KHDRBS2: variants seen among roughly 807,000 people sequenced by gnomAD.
The protein encoded by KHDRBS2 is KH RNA binding domain containing, signal transduction associated 2.
A neutral mutation model predicts 44.3 loss-of-function variants in KHDRBS2; 26 were observed. The observed-to-expected ratio is 0.59, with a 90% CI of 0.43 to 0.81. KHDRBS2 has a LOEUF of 0.81. Ranked by LOEUF, KHDRBS2 falls within the 40% of genes least tolerant of loss-of-function variation. KHDRBS2 has a pLI of 0.00. For synonymous variants in KHDRBS2, 194 were observed against 151.1 expected (o/e 1.28, Z -2.08); for missense variants, 476 against 433.1 (o/e 1.10, Z -0.88).
chr6:62,114,564 T>C (rs1036331582), intron 2 of KHDRBS2, among the ~76,000 whole-genome samples: 2 of 152,096 alleles, frequency 1.3e-5, no homozygotes, highest in Non-Finnish European at 2.9e-5. Context: ...ATATTCATCA[T>C]CCAATTATAT....
intron 6 of KHDRBS2, among the ~76,000 whole-genome samples, chr6:61,776,667 G>T (rs1179976361): frequency 2.6e-5 from 4 of 152,172 alleles, no homozygotes; most frequent in Non-Finnish European, 5.9e-5. Context: ...TGAAGAAATA[G>T]GAACACTTTT....
rs140716555 is a variant in KHDRBS2, at chr6:61,828,762, C to G, written c.810+65873G>C. Among the ~76,000 whole-genome samples, 646 of 152,272 alleles carry G rather than the reference C, an allele frequency of 4.2e-3. 9 individuals carry two copies. The highest frequency in any genetic ancestry group is 0.015 in the African/African-American group (620 of 41,558). On this transcript the variant is annotated intron_variant, in intron 6 of 8. Coordinates refer to ENST00000281156, the MANE Select transcript of KHDRBS2 (RefSeq NM_152688.4). ...CATTTGTCACAAGATTTTACACTGA[C>G]CATCATAAGACCTTTGATGGCAGAT... is the stretch of plus-strand genomic sequence containing the variant.
chr6:61,826,419 C>G (rs147127704), intron 6 of KHDRBS2, among the ~76,000 whole-genome samples: 1 of 152,196 alleles, frequency 6.6e-6, no homozygotes, highest in Non-Finnish European at 1.5e-5. Flanking sequence ...GACAGTGGCT[C>G]CTGTCTGATA....
At chr6:62,013,571 TTTTA>T (rs1780687521) in intron 3 of KHDRBS2, among the ~76,000 whole-genome samples, 1 of 152,128 alleles carries the variant, frequency 6.6e-6, no homozygotes, top group African/African-American at 2.4e-5. Flanking sequence ...GCAAAATCAA[TTTTA>T]TTTAAATTAC....
At chr6:62,077,458 A>G (rs1796569611) in intron 2 of KHDRBS2, among the ~76,000 whole-genome samples, 1 of 152,070 alleles carries the variant, frequency 6.6e-6, no homozygotes, top group Admixed American at 6.6e-5. Context: ...GTACGTCTGC[A>G]TTCCTAGTTC....
At chr6:62,109,313 A>G (rs1804438833) in intron 2 of KHDRBS2, among the ~76,000 whole-genome samples, 1 of 152,082 alleles carries the variant, frequency 6.6e-6, no homozygotes. Context: ...TTTTAAAAAA[A>G]GTACTTTCCA....
rs201486071 is a variant in KHDRBS2 at position 61,849,632 on chromosome 6, GTT to G, written c.810+45001_810+45002del. Among the ~76,000 whole-genome samples the G allele has an allele frequency of 3.1e-4, 45 of 144,404 alleles. No individual in the cohort carries two copies. In the Middle Eastern group the frequency reaches 0.019, roughly 60 times the overall value. 94.7% of individuals were successfully genotyped at this position (144,404 alleles called of 152,430 possible). On this transcript the variant is annotated intron_variant, in intron 6 of 8. Coordinates refer to ENST00000281156, the MANE Select transcript of KHDRBS2 (RefSeq NM_152688.4). Reference sequence around the variant, plus strand: ...AAGTAATGTACTTCAGAGAAACAAAGTTTTTTTTTTTTTTCCTAAACTAAATC... The same window carrying G: ...AAGTAATGTACTTCAGAGAAACAAAGTTTTTTTTTTTTCCTAAACTAAATC...
At chr6:62,011,192 A>G (rs1780221676) in intron 3 of KHDRBS2, among the ~76,000 whole-genome samples, 1 of 152,186 alleles carries the variant, frequency 6.6e-6, no homozygotes, top group Admixed American at 6.5e-5. Flanking sequence ...AGAATTACAC[A>G]TGCTAAAACT....
chr6:62,065,306 T>A (rs1472175322), intron 2 of KHDRBS2, among the ~76,000 whole-genome samples: 5 of 152,014 alleles, frequency 3.3e-5, no homozygotes. Flanking sequence ...TGACTATAAA[T>A]CATGCTGCTA....
intron 4 of KHDRBS2, among the ~76,000 whole-genome samples, chr6:61,921,471 T>G (rs1001197818): frequency 6.6e-6 from 1 of 152,040 alleles, no homozygotes; most frequent in Non-Finnish European, 1.5e-5. Context: ...TTGGCAACTT[T>G]CCTGGAATTT....
At chr6:61,573,955 C>T in the KHDRBS2 span, among the ~76,000 whole-genome samples, 1 of 152,002 alleles carries the variant, frequency 6.6e-6, no homozygotes, top group Non-Finnish European at 1.5e-5. Flanking sequence ...ACCAATGGAA[C>T]ACAATAGAGA....
At chr6:62,190,175 T>C (rs1454402780) in intron 1 of KHDRBS2, among the ~76,000 whole-genome samples, 7 of 152,072 alleles carry the variant, frequency 4.6e-5, no homozygotes, top group African/African-American at 1.7e-4. Context: ...GTGCAGAAAG[T>C]ATCTTAAGAA....
the KHDRBS2 span, among the ~76,000 whole-genome samples, chr6:61,649,832 T>C: frequency 6.6e-6 from 1 of 152,182 alleles, no homozygotes; most frequent in Non-Finnish European, 1.5e-5. Context: ...TTCTGCTAGA[T>C]TGTCTTCTTA....
intron 6 of KHDRBS2, among the ~76,000 whole-genome samples, chr6:61,759,165 CA>C (rs1467517207): frequency 3.3e-5 from 5 of 152,094 alleles, no homozygotes; most frequent in African/African-American, 9.6e-5. Context: ...TTTCTTTGTT[CA>C]AAAGAGAAAA....
intron 4 of KHDRBS2, among the ~76,000 whole-genome samples, chr6:61,927,255 T>C (rs1809152778): frequency 6.6e-6 from 1 of 152,106 alleles, no homozygotes; most frequent in African/African-American, 2.4e-5. Context: ...TGGCACATAA[T>C]AGATTTACAG....
intron 2 of KHDRBS2, among the ~76,000 whole-genome samples, chr6:62,167,626 T>C (rs1176803249): frequency 6.6e-6 from 1 of 152,102 alleles, no homozygotes; most frequent in Non-Finnish European, 1.5e-5. Flanking sequence ...AATGAGGAGT[T>C]GGGAAACTGA....
intron 6 of KHDRBS2, among the ~76,000 whole-genome samples, chr6:61,786,692 G>A (rs1221219369): frequency 1.3e-5 from 2 of 151,936 alleles, no homozygotes; most frequent in African/African-American, 2.4e-5. Flanking sequence ...GTAGAAAAAA[G>A]TGAAGATCTT....
intron 7 of KHDRBS2, among the ~76,000 whole-genome samples, chr6:61,701,017 C>A (rs1386932057): frequency 4.0e-5 from 6 of 151,750 alleles, no homozygotes; most frequent in Non-Finnish European, 7.4e-5. Flanking sequence ...CCATTTATAT[C>A]CCAAACTATA....
chr6:62,231,936 ACAT>A (rs1832963079), intron 1 of KHDRBS2, among the ~76,000 whole-genome samples: 1 of 152,172 alleles, frequency 6.6e-6, no homozygotes, highest in Non-Finnish European at 1.5e-5. Flanking sequence ...TTTCTTATAA[ACAT>A]CAATTTGCAA....
Sources: allele counts gnomAD v4.1 joint callset (sites outside exome capture counted in the v4.1 genomes callset), GRCh38; gene constraint gnomAD v4.1.1; transcripts MANE v1.5; gene names NCBI Gene and HGNC (gene_info 2026-07-23, HGNC 2026-07-21).